The following ERC2 variants were observed in gnomAD, a reference collection of about 807,000 sequenced individuals.
The protein encoded by ERC2 is ELKS/RAB6-interacting/CAST family member 2.
In ERC2, 42 loss-of-function variants were observed where a neutral mutation model predicts 114.8. The observed-to-expected ratio is 0.37, with a 90% CI of 0.29 to 0.47. ERC2 has a LOEUF of 0.47. Ranked by LOEUF, ERC2 falls within the 20% of genes least tolerant of loss-of-function variation. The pLI is 0.99. For missense variants in ERC2, 939 were observed against 1,150.7 expected, an observed-to-expected ratio of 0.82 and a Z score of 2.66; for synonymous variants, 454 against 425.5, an observed-to-expected ratio of 1.07 and a Z score of -0.82.
intron 13 of ERC2, among the ~76,000 whole-genome samples, chr3:55,912,320 T>C (rs1305582872): frequency 6.6e-6 from 1 of 152,056 alleles, no homozygotes; most frequent in African/African-American, 2.4e-5. Context: ...ACCATGGAGG[T>C]TGCCAACAGA....
intron 10 of ERC2, chr3:56,003,204 T>C: frequency 8.4e-7 from 1 of 1,190,366 alleles, no homozygotes; most frequent in Non-Finnish European, 1.1e-6. Context: ...AAAAACAGCA[T>C]TAGCTCAACA....
At chr3:56,319,410 G>C (rs192381783) in intron 2 of ERC2, among the ~76,000 whole-genome samples, 3 of 151,976 alleles carry the variant, frequency 2.0e-5, no homozygotes, top group African/African-American at 7.3e-5. Context: ...CAAACATTAC[G>C]TGATTCCACT....
intron 2 of ERC2, among the ~76,000 whole-genome samples, chr3:56,342,599 A>G (rs546985453): frequency 1.3e-3 from 203 of 152,342 alleles, no homozygotes; most frequent in Non-Finnish European, 1.2e-3. Flanking sequence ...CAGGATGGAC[A>G]CAGAAATGAA....
chr3:55,729,854 AAAAAAAAAAAAT>A (rs1477112192), intron 15 of ERC2, among the ~76,000 whole-genome samples: 39 of 149,472 alleles, frequency 2.6e-4, no homozygotes, highest in Admixed American at 1.7e-3. Context: ...AAAAAAAAAA[AAAAAAAAAAAAT>A]TGTAAGCTAC....
chr3:56,037,042 G>A lies in ERC2; in HGVS notation c.1642-18011C>T, dbSNP rs1451862892. Among the ~76,000 whole-genome samples, 3 of 152,144 alleles carry A rather than the reference G, an allele frequency of 2.0e-5. No homozygotes were observed. In the East Asian group the frequency reaches 5.8e-4, roughly 29 times the overall value. ...GCCCCTACAAAAACCCCATCCAAAG[G>A]TCAGCAGCCTCAAAGATCAAGCAAA... On this transcript the variant is annotated intron_variant, in intron 7 of 17. Transcript: ENST00000288221.
chr3:56,464,912 C>T (rs2063475256), intron 1 of ERC2, among the ~76,000 whole-genome samples: 1 of 151,916 alleles, frequency 6.6e-6, no homozygotes, highest in African/African-American at 2.4e-5. Flanking sequence ...AGAGGGTGTC[C>T]TAGTAAAACA....
intron 7 of ERC2, among the ~76,000 whole-genome samples, chr3:56,035,706 A>C (rs2074750923): frequency 1.3e-5 from 2 of 152,366 alleles, no homozygotes; most frequent in Non-Finnish European, 2.9e-5. Context: ...AATGGAGCAG[A>C]GAGCTGCCCT....
At chr3:55,602,454 A>T (rs1400589336) in intron 17 of ERC2, among the ~76,000 whole-genome samples, 1 of 152,222 alleles carries the variant, frequency 6.6e-6, no homozygotes, top group Admixed American at 6.5e-5. Flanking sequence ...TAAGAGTTGG[A>T]GGAACCAGGA....
In ERC2 at chr3:56,434,899, C is replaced by A; in HGVS notation, c.109G>T (p.Gly37Cys). 1 of 1,613,850 alleles carries A rather than the reference C, an allele frequency of 6.2e-7. No individual in the cohort carries two copies. Among genetic ancestry groups the A allele is most frequent in the Non-Finnish European group, 8.5e-7 (1 of 1,179,874 alleles). The change falls in exon 2 of 18, where the codon GGT becomes TGT. Residue 37 changes from glycine to cysteine, a missense_variant. Coordinates refer to ENST00000288221, the MANE Select transcript of ERC2 (RefSeq NM_015576.3). ...LGHRRTSSGG[G>C]GGTGKTLSME... ...GACAGAGTCTTGCCTGTTCCTCCAC[C>A]TCCCCCACTACTTGTTCTTCGGTGG... is the stretch of plus-strand genomic sequence containing the variant.
chr3:55,986,076 A>G (rs2070604726), intron 11 of ERC2, 88 bp from the exon 12 acceptor site: 3 of 1,270,366 alleles, frequency 2.4e-6, no homozygotes, highest in Admixed American at 2.0e-5. Context: ...AAGGAAATGC[A>G]TTAGTTTTAA....
chr3:55,872,825 G>A lies in ERC2; in HGVS notation c.2564+15564C>T, dbSNP rs553549665. The stretch of plus-strand genomic sequence containing the variant: ...ACTCTACTAGTGCCACTAATACACC[G>A]GCTCAAGGTCCATATTTCAGGAAAG... On this transcript the variant is annotated intron_variant, in intron 14 of 17. Transcript: ENST00000288221. Among the ~76,000 whole-genome samples the A allele has an allele frequency of 2.6e-5, 4 of 152,264 alleles. No individual in the cohort carries two copies. In the South Asian group the frequency reaches 8.3e-4, roughly 32 times the overall value.
chr3:56,005,494 A>C (rs946083508), intron 10 of ERC2, among the ~76,000 whole-genome samples: 1 of 152,084 alleles, frequency 6.6e-6, no homozygotes, highest in Non-Finnish European at 1.5e-5. Flanking sequence ...CGAAAAGTAT[A>C]AGCAACAATA....
In ERC2 at chr3:56,352,983, A is replaced by T. The variant is rs76583257; in HGVS notation, c.658-56548T>A. 2.5e-4 allele frequency among the ~76,000 whole-genome samples: 38 copies of T among 152,328 alleles called. No homozygotes were observed. In the East Asian group the frequency reaches 7.3e-3, roughly 29 times the overall value. ...TACGTAACATGATCATGTGCATACT[A>T]TCACATTTGCCATATTCTACTGGTT... On this transcript the variant is annotated intron_variant, in intron 2 of 17. Transcript: ENST00000288221.
intron 17 of ERC2, among the ~76,000 whole-genome samples, chr3:55,649,212 T>A (rs963807166): frequency 2.0e-5 from 3 of 151,930 alleles, no homozygotes; most frequent in African/African-American, 7.3e-5. Context: ...AAGTCCTGCA[T>A]AGACAATCTG....
intron 3 of ERC2, among the ~76,000 whole-genome samples, chr3:56,247,226 G>C (rs573102589): frequency 6.6e-6 from 1 of 152,156 alleles, no homozygotes; most frequent in Non-Finnish European, 1.5e-5. Context: ...AACTAAGCGG[G>C]GGGTGGGGAT....
chr3:55,990,376 A>T (rs1559983241), intron 11 of ERC2, among the ~76,000 whole-genome samples: 1 of 152,356 alleles, frequency 6.6e-6, no homozygotes, highest in East Asian at 1.9e-4. Flanking sequence ...TATACCGGAA[A>T]ATGTTGAAAT....
chr3:56,341,977 G>C (rs1215676013), intron 2 of ERC2, among the ~76,000 whole-genome samples: 2 of 152,276 alleles, frequency 1.3e-5, no homozygotes, highest in East Asian at 3.9e-4. Context: ...GGAGAGGCAG[G>C]GTGCCAAAGG....
Position 55,793,063 on chromosome 3 carries a change from CTTATTTTATT to C in ERC2, c.2565-58155_2565-58146del, listed in dbSNP as rs540238369. Among the ~76,000 whole-genome samples the C allele has an allele frequency of 1.1e-3, 173 of 152,150 alleles. 1 individual carries two copies. The highest frequency in any genetic ancestry group is 1.4e-3 in the Non-Finnish European group (96 of 67,990). On this transcript the variant is annotated intron_variant, in intron 14 of 17. Coordinates refer to ENST00000288221, the MANE Select transcript of ERC2 (RefSeq NM_015576.3). ...GATAACTGTGGATGCAATTTATTTA[CTTATTTTATT>C]TTATTTTATTTTGAGACAGGGTCTT...
Position 55,808,735 on chromosome 3 carries a change from ATATATAT to A in ERC2, c.2565-73824_2565-73818del, listed in dbSNP as rs1559689521. Among the ~76,000 whole-genome samples the A allele has an allele frequency of 5.6e-3, 634 of 112,926 alleles. 8 individuals carry two copies. The highest frequency in any genetic ancestry group is 7.2e-3 in the Non-Finnish European group (404 of 56,280). The allele number at this position is 112,926 out of a possible 152,430, so 74.1% of individuals were successfully genotyped here. A position where few individuals can be genotyped will look rare whatever the true frequency, so the allele number is the denominator to read the frequency against. The stretch of plus-strand genomic sequence containing the variant: ...TATATATATATATATATATATATAT[ATATATAT>A]AACGTATAACTAAACATATATATAT... On this transcript the variant is annotated intron_variant, in intron 14 of 17. Transcript: ENST00000288221.
Sources: gnomAD v4.1 joint callset for allele counts (sites outside exome capture counted in the v4.1 genomes callset) on GRCh38, gnomAD v4.1.1 for gene constraint, MANE v1.5 for transcripts, NCBI Gene and HGNC (gene_info 2026-07-23, HGNC 2026-07-21) for gene names.